GNB1L: variants seen among roughly 807,000 people sequenced by gnomAD.
GNB1L encodes the protein G protein subunit beta 1 like.
In GNB1L, 20 loss-of-function variants were observed where a neutral mutation model predicts 29.1. The ratio of observed to expected loss-of-function variants is 0.69; its 90% CI spans 0.48 to 1.00. The LOEUF (loss-of-function observed/expected upper bound fraction) is 1.00. Ranked by LOEUF, GNB1L falls within the 50% of genes least tolerant of loss-of-function variation. GNB1L has a pLI of 0.00. For synonymous variants in GNB1L, 193 were observed against 206.5 expected (o/e 0.93, Z 0.56); for missense variants, 421 against 464.9 (o/e 0.91, Z 0.87).
Position 19,806,730 on chromosome 22 carries a change from T to C in GNB1L, c.445A>G (p.Thr149Ala), listed in dbSNP as rs1229413550. 6.2e-7 allele frequency: 1 copy of C among 1,613,372 alleles called. No homozygotes were observed. Among genetic ancestry groups the C allele is most frequent in the East Asian group, 2.2e-5 (1 of 44,890 alleles). The change falls in exon 6 of 8, where the codon ACG (threonine) becomes GCG (alanine). Residue 149 changes from threonine to alanine, a missense_variant. Transcript: ENST00000329517. ...EVQILEMPSK[T>A]SVCALKPKAD... is the part of the protein sequence containing the mutation. ...TTCGGCTTCAGGGCGCACACTGACG[T>C]CTTGGAGGGCATCTCCAGAATCTGA...
intron 2 of GNB1L, chr22:19,850,312 C>G: frequency 1.0e-6 from 1 of 982,762 alleles, no homozygotes. Context: ...AGCCCCTGTG[C>G]TGAGGGTCAC....
chr22:19,844,189 G>A (rs1447927783), intron 2 of GNB1L, among the ~76,000 whole-genome samples: 1 of 152,246 alleles, frequency 6.6e-6, no homozygotes, highest in African/African-American at 2.4e-5. Flanking sequence ...GTGTGAGGGA[G>A]GGTCCCAGAG....
At chr22:19,850,859 G>A in intron 2 of GNB1L, 3 of 1,326,760 alleles carry the variant, frequency 2.3e-6, no homozygotes, top group South Asian at 2.5e-5. Flanking sequence ...ACTATCTGCT[G>A]AGAGTTGATC....
intron 4 of GNB1L, among the ~76,000 whole-genome samples, chr22:19,815,492 AG>A (rs1461202894): frequency 6.6e-6 from 1 of 152,144 alleles, no homozygotes; most frequent in Non-Finnish European, 1.5e-5. Context: ...GGGCCAAGGG[AG>A]GGGAGGTGTG....
chr22:19,846,747 A>G (rs988005133), intron 2 of GNB1L: 12 of 364,332 alleles, frequency 3.3e-5, no homozygotes, highest in African/African-American at 2.4e-4. Context: ...AGACACAGAC[A>G]GGGACACGGC....
chr22:19,820,872 A>G lies in GNB1L; in HGVS notation c.129-149T>C, dbSNP rs1937572861. 3.2e-6 allele frequency: 3 copies of G among 937,438 alleles called. No individual in the cohort carries two copies. The African/African-American group carries it at 4.9e-5, about 15-fold the overall frequency. 58.1% of individuals were successfully genotyped at this position (937,438 alleles called of 1,614,324 possible). On this transcript the variant is annotated intron_variant, in intron 3 of 7. Coordinates refer to ENST00000329517, the MANE Select transcript of GNB1L (RefSeq NM_053004.3). ...GCTCTAAATATGAACTAAGGGCCAA[A>G]CTGGCAAAGCACTCCTTGCTCCTCT...
At chr22:19,801,081 GC>G (rs1937365154) in intron 7 of GNB1L, among the ~76,000 whole-genome samples, 1 of 152,232 alleles carries the variant, frequency 6.6e-6, no homozygotes, top group Non-Finnish European at 1.5e-5. Flanking sequence ...GAGAAGGGCA[GC>G]CCCGGGCCCT....
chr22:19,851,632 A>G (rs1350440449), intron 2 of GNB1L: 3 of 1,593,632 alleles, frequency 1.9e-6, no homozygotes, highest in Non-Finnish European at 2.6e-6. Flanking sequence ...GCCTCACCAC[A>G]GGCAGCTGAG....
Position 19,807,203 on chromosome 22 carries a change from TC to T in GNB1L, c.418-447del, listed in dbSNP as rs1937446638. 2.0e-5 allele frequency among the ~76,000 whole-genome samples: 3 copies of T among 152,104 alleles called. No individual in the cohort carries two copies. The South Asian group carries it at 6.2e-4, about 32-fold the overall frequency. ...TGAGGGCAGCTCCGGGAAACCTGGCTCCCCCACCTGGACGCCCCGGTGTCCC... is the reference window on the plus strand; with the variant it reads ...TGAGGGCAGCTCCGGGAAACCTGGCTCCCCACCTGGACGCCCCGGTGTCCC... On this transcript the variant is annotated intron_variant, in intron 5 of 7. Coordinates refer to ENST00000329517, the MANE Select transcript of GNB1L (RefSeq NM_053004.3).
chr22:19,833,527 C>T (rs1414818989), intron 2 of GNB1L, among the ~76,000 whole-genome samples: 2 of 151,874 alleles, frequency 1.3e-5, no homozygotes, highest in African/African-American at 2.4e-5. Flanking sequence ...ATCGTGCCAC[C>T]GTACTCCAGC....
chr22:19,806,648 C>A lies in GNB1L; in HGVS notation c.516+11G>T. On this transcript the variant is annotated intron_variant, in intron 6 of 7. Transcript: ENST00000329517. Reference sequence around the variant, plus strand: ...GCCGGCAGGGCGTGGCTGGTGCACGCGGGGCCTTACCTGCCACAGCCGCAG... The same window carrying A: ...GCCGGCAGGGCGTGGCTGGTGCACGAGGGGCCTTACCTGCCACAGCCGCAG... The A allele has an allele frequency of 3.8e-6, 6 of 1,580,774 alleles. No individual in the cohort carries two copies. The highest frequency in any genetic ancestry group is 2.2e-5 in the East Asian group (1 of 44,578).
At chr22:19,823,983 C>G (rs537163109) in intron 2 of GNB1L, among the ~76,000 whole-genome samples, 1 of 152,246 alleles carries the variant, frequency 6.6e-6, no homozygotes. Context: ...CACATGCCAC[C>G]TGCCTGGGGC....
chr22:19,793,293 C>T (rs538407328), intron 7 of GNB1L, among the ~76,000 whole-genome samples: 20 of 152,072 alleles, frequency 1.3e-4, no homozygotes, highest in African/African-American at 4.8e-4. Flanking sequence ...AAGCTCAATA[C>T]TGAAATGAAA....
intron 2 of GNB1L, among the ~76,000 whole-genome samples, chr22:19,853,251 C>T (rs1938152108): frequency 6.9e-6 from 1 of 145,436 alleles, no homozygotes; most frequent in South Asian, 2.1e-4. Context: ...AATCCTGGAA[C>T]CCCACTTGCT....
At chr22:19,838,664 T>A (rs771102039) in intron 2 of GNB1L, among the ~76,000 whole-genome samples, 1 of 152,110 alleles carries the variant, frequency 6.6e-6, no homozygotes, top group African/African-American at 2.4e-5. Flanking sequence ...TTTCACCATG[T>A]TGGCCAGGAT....
chr22:19,847,634 G>C, intron 2 of GNB1L: 1 of 795,672 alleles, frequency 1.3e-6, no homozygotes, highest in Non-Finnish European at 1.5e-6. Context: ...GACCACCCCT[G>C]GCAAGAGCCT....
At chr22:19,810,613 A>G (rs1291055230) in intron 5 of GNB1L, among the ~76,000 whole-genome samples, 1 of 152,180 alleles carries the variant, frequency 6.6e-6, no homozygotes, top group Admixed American at 6.5e-5. Context: ...ACAGACACCC[A>G]TGAGCTTTCC....
chr22:19,834,513 T>G (rs1406619439), intron 2 of GNB1L, among the ~76,000 whole-genome samples: 1 of 152,234 alleles, frequency 6.6e-6, no homozygotes, highest in Non-Finnish European at 1.5e-5. Flanking sequence ...TTGTTAAAAT[T>G]GTATTATCTG....
intron 2 of GNB1L, among the ~76,000 whole-genome samples, chr22:19,844,532 TCTC>T (rs1765130175): frequency 6.6e-6 from 1 of 152,160 alleles, no homozygotes; most frequent in Non-Finnish European, 1.5e-5. Flanking sequence ...AAGTCAGACT[TCTC>T]CTTTGCACTG....
Sources: allele counts gnomAD v4.1 joint callset (sites outside exome capture counted in the v4.1 genomes callset), GRCh38; gene constraint gnomAD v4.1.1; transcripts MANE v1.5; gene names NCBI Gene and HGNC (gene_info 2026-07-23, HGNC 2026-07-21).